Variants in TSGA10 observed in about 807,000 individuals in gnomAD.
TSGA10 encodes testis specific 10, also known as testis-specific gene 10 protein.
In TSGA10, 43 loss-of-function variants were observed where a neutral mutation model predicts 96.6. The ratio of observed to expected loss-of-function variants is 0.44; its 90% CI spans 0.35 to 0.57. The LOEUF (loss-of-function observed/expected upper bound fraction) is 0.57. Ranked by LOEUF, TSGA10 falls within the 20% of genes least tolerant of loss-of-function variation. The pLI is 0.01. For synonymous variants in TSGA10, 229 were observed against 269.9 expected (o/e 0.85, Z 1.48); for missense variants, 703 against 834.4 (o/e 0.84, Z 1.94).
At chr2:99,150,675 G>A (rs776635099) in intron 1 of TSGA10, 2 of 1,614,032 alleles carry the variant, frequency 1.2e-6, no homozygotes, top group East Asian at 2.2e-5. Flanking sequence ...CAGCGACTCA[G>A]TTATTTCAAA....
intron 12 of TSGA10, 25 bp downstream of exon 12, chr2:99,078,634 A>G (rs62156364): frequency 0.24 from 377,100 of 1,586,978 alleles, 47,048 homozygotes; most frequent in Admixed American, 0.36. Context: ...AACGTTTCTT[A>G]TAAACCACAG....
chr2:99,013,523 G>A (rs1360901013), intron 20 of TSGA10, among the ~76,000 whole-genome samples: 2 of 150,928 alleles, frequency 1.3e-5, no homozygotes, highest in South Asian at 4.2e-4. Context: ...TAGTAGAGAC[G>A]GGTTTTACCA....
intron 1 of TSGA10, among the ~76,000 whole-genome samples, chr2:99,128,902 C>T (rs2105009416): frequency 6.6e-6 from 1 of 152,226 alleles, no homozygotes; most frequent in Non-Finnish European, 1.5e-5. Flanking sequence ...CATGTGCCAC[C>T]ACAATTGGCT....
chr2:99,115,278 C>T (rs781311652), intron 4 of TSGA10, among the ~76,000 whole-genome samples: 3 of 151,884 alleles, frequency 2.0e-5, no homozygotes, highest in Non-Finnish European at 4.4e-5. Context: ...AATCAATTTA[C>T]CATTAAACTG....
chr2:99,108,475 A>C (rs2091537784), intron 7 of TSGA10, among the ~76,000 whole-genome samples: 2 of 152,116 alleles, frequency 1.3e-5, no homozygotes, highest in Admixed American at 6.5e-5. Context: ...AAGTTCCTAA[A>C]GTGATGTGAT....
At chr2:99,114,582 C>T (rs2092093392) in intron 4 of TSGA10, among the ~76,000 whole-genome samples, 1 of 152,150 alleles carries the variant, frequency 6.6e-6, no homozygotes, top group African/African-American at 2.4e-5. Flanking sequence ...CAACATTCCA[C>T]ATTATTTATG....
chr2:99,097,113 G>A (rs1205272181), intron 10 of TSGA10, among the ~76,000 whole-genome samples: 1 of 152,046 alleles, frequency 6.6e-6, no homozygotes, highest in Non-Finnish European at 1.5e-5. Context: ...CTGGAGGGAA[G>A]GAAACGCTCT....
At chr2:99,041,445 A>G (rs998133013) in intron 16 of TSGA10, among the ~76,000 whole-genome samples, 2 of 152,244 alleles carry the variant, frequency 1.3e-5, no homozygotes, top group African/African-American at 4.8e-5. Flanking sequence ...CTACAAGGCT[A>G]TGTTACCAAA....
intron 17 of TSGA10, among the ~76,000 whole-genome samples, chr2:99,025,823 T>C (rs1164310526): frequency 6.6e-6 from 1 of 152,204 alleles, no homozygotes; most frequent in Non-Finnish European, 1.5e-5. Flanking sequence ...TATTTTCTTT[T>C]TTTCCTTTGT....
At chr2:99,059,071 T>G (rs2084346997) in intron 16 of TSGA10, among the ~76,000 whole-genome samples, 1 of 107,632 alleles carries the variant, frequency 9.3e-6, no homozygotes. Context: ...TATATATATT[T>G]ATATATTTTT....
At chr2:99,078,150 A>G (rs2104570017) in intron 12 of TSGA10, among the ~76,000 whole-genome samples, 1 of 151,564 alleles carries the variant, frequency 6.6e-6, no homozygotes, top group Admixed American at 6.6e-5. Context: ...AGGCACCTGT[A>G]GTCCCAGCTA....
chr2:99,030,439 G>C (rs1274111017), intron 17 of TSGA10, among the ~76,000 whole-genome samples: 1 of 152,190 alleles, frequency 6.6e-6, no homozygotes, highest in African/African-American at 2.4e-5. Flanking sequence ...CTTAAGGCCA[G>C]AAGTTCGAGA....
At position 99,117,772 on chromosome 2, in the gene TSGA10, G is replaced by GA. The variant is rs903591296; in HGVS notation, c.-355-14dup. The GA allele has an allele frequency of 2.9e-5, 28 of 978,940 alleles. No individual in the cohort carries two copies. The highest frequency in any genetic ancestry group is 2.1e-4 in the African/African-American group (12 of 57,096). 60.6% of individuals were successfully genotyped at this position (978,940 alleles called of 1,614,324 possible). ...TGAGATCTTCAATCTGTTATTATCAGAAAAAAAATCACATTAAAATAATTC... is the reference window on the plus strand; with the variant it reads ...TGAGATCTTCAATCTGTTATTATCAGAAAAAAAAATCACATTAAAATAATTC... On this transcript the variant is annotated splice_polypyrimidine_tract_variant and intron_variant, in intron 3 of 20. Coordinates refer to ENST00000393483, the MANE Select transcript of TSGA10 (RefSeq NM_025244.4).
Position 99,081,450 on chromosome 2 carries a change from T to G in TSGA10, c.612-53A>C, listed in dbSNP as rs1444979281. On this transcript the variant is annotated intron_variant, in intron 10 of 20. Transcript: ENST00000393483. ...TTCTGAAATTTTTGTTTTGTCATCT[T>G]GTAGTGTGTTTAAATCTAAAAACTT... The G allele has an allele frequency of 6.1e-6, 6 of 987,162 alleles. No individual in the cohort carries two copies. In the East Asian group the frequency reaches 1.6e-4, roughly 26 times the overall value. 61.2% of individuals were successfully genotyped at this position (987,162 alleles called of 1,614,324 possible).
rs556629911 is a variant in TSGA10, at chr2:99,082,541, A to T, written c.612-1144T>A. Among the ~76,000 whole-genome samples the T allele has an allele frequency of 9.9e-5, 15 of 151,998 alleles. No homozygotes were observed. The South Asian group carries it at 3.1e-3, about 32-fold the overall frequency. ...CTCGCTTGGGTATAACACAACAAAG[A>T]GTCTTAATCTCAATCTAAGCATCAA... On this transcript the variant is annotated intron_variant, in intron 10 of 20. Transcript: ENST00000393483.
intron 17 of TSGA10, among the ~76,000 whole-genome samples, chr2:99,021,356 C>A (rs1055725071): frequency 4.6e-5 from 7 of 151,644 alleles, no homozygotes; most frequent in Non-Finnish European, 5.9e-5. Context: ...TGAAAGGAAA[C>A]AACTGGAAGA....
intron 18 of TSGA10, among the ~76,000 whole-genome samples, chr2:99,019,260 T>A (rs535009737): frequency 6.6e-6 from 1 of 152,260 alleles, no homozygotes; most frequent in East Asian, 1.9e-4. Flanking sequence ...AATCTAAACT[T>A]TAGAGACTAA....
At chr2:99,039,363 A>G (rs984366491) in intron 16 of TSGA10, among the ~76,000 whole-genome samples, 1 of 151,862 alleles carries the variant, frequency 6.6e-6, no homozygotes, top group Non-Finnish European at 1.5e-5. Flanking sequence ...GGTTGAGAAG[A>G]TAAACAAAGC....
intron 20 of TSGA10, among the ~76,000 whole-genome samples, chr2:99,004,129 C>T (rs2078247648): frequency 1.3e-5 from 2 of 152,100 alleles, no homozygotes; most frequent in African/African-American, 4.8e-5. Flanking sequence ...ACCACTGATC[C>T]CACGGAAATG....
Sources: gnomAD v4.1 joint callset for allele counts (sites outside exome capture counted in the v4.1 genomes callset) on GRCh38, gnomAD v4.1.1 for gene constraint, MANE v1.5 for transcripts, NCBI Gene and HGNC (gene_info 2026-07-23, HGNC 2026-07-21) for gene names.